The following ERN1 variants were observed in gnomAD, a reference collection of about 807,000 sequenced individuals.
ERN1 encodes the protein serine/threonine-protein kinase/endoribonuclease IRE1.
Under a neutral mutation model 113.1 loss-of-function variants are expected in ERN1, and 39 were observed. The ratio of observed to expected loss-of-function variants is 0.34; its 90% CI spans 0.27 to 0.45. The LOEUF (loss-of-function observed/expected upper bound fraction) is 0.45. ERN1 is among the 20% of genes least tolerant of loss of function. The pLI is 1.00. For missense variants in ERN1, 976 were observed against 1,274.8 expected (o/e 0.77, Z 3.57); for synonymous variants, 507 against 515.9 (o/e 0.98, Z 0.23).
chr17:64,065,112 T>C, intron 9 of ERN1, 97 bp downstream of exon 9: 2 of 754,358 alleles, frequency 2.7e-6, no homozygotes, highest in Non-Finnish European at 4.3e-6. Context: ...TGTTTTTCAT[T>C]CTTAACCTGC....
chr17:64,057,772 G>C (rs1912919212), intron 12 of ERN1, 30 bp downstream of exon 12: 1 of 1,600,638 alleles, frequency 6.2e-7, no homozygotes, highest in Non-Finnish European at 8.6e-7. Flanking sequence ...AGAAATAGGT[G>C]GATGGCAAAG....
At chr17:64,129,926 G>A in intron 1 of ERN1, 50 bp downstream of exon 1, 1 of 1,375,224 alleles carries the variant, frequency 7.3e-7, no homozygotes, top group Non-Finnish European at 9.4e-7. Context: ...CCCCGGCCCC[G>A]ACCCGGCCGT....
In ERN1 at chr17:64,130,074, C is replaced by T. The variant is rs1199501624; in HGVS notation, c.-45G>A. ...CTCCGGGGGCGGTACGGACAGAGGA[C>T]GGGGCGGGGGCGCCGCGACGACAGC... On this transcript the variant is annotated 5_prime_UTR_variant, in exon 1 of 22. Coordinates refer to ENST00000433197, the MANE Select transcript of ERN1 (RefSeq NM_001433.5). The surrounding 1 kb of genome is among the most constrained non-coding windows in gnomAD (Gnocchi z 4.0). The T allele has an allele frequency of 1.1e-5, 15 of 1,347,424 alleles. No individual in the cohort carries two copies. The highest frequency in any genetic ancestry group is 1.4e-5 in the Non-Finnish European group (15 of 1,054,330). 83.5% of individuals were successfully genotyped at this position (1,347,424 alleles called of 1,614,324 possible). A position where few individuals can be genotyped will look rare whatever the true frequency, so the allele number is the denominator to read the frequency against.
chr17:64,115,917 T>C (rs1394664522), intron 1 of ERN1, among the ~76,000 whole-genome samples: 6 of 152,204 alleles, frequency 3.9e-5, no homozygotes. Context: ...CTGCAGCTTC[T>C]TCTAGCCCCA....
intron 1 of ERN1, among the ~76,000 whole-genome samples, chr17:64,117,728 A>G (rs1383009523): frequency 6.6e-6 from 1 of 152,168 alleles, no homozygotes; most frequent in Non-Finnish European, 1.5e-5. Context: ...AAGACAGGTG[A>G]GCGAGAGCCG....
At chr17:64,075,965 G>A (rs544306705) in intron 4 of ERN1, among the ~76,000 whole-genome samples, 1 of 152,334 alleles carries the variant, frequency 6.6e-6, no homozygotes, top group East Asian at 1.9e-4. Context: ...CAACACAAGA[G>A]TTTGAGGTGG....
At chr17:64,095,939 T>A (rs989425565) in intron 2 of ERN1, among the ~76,000 whole-genome samples, 12 of 152,206 alleles carry the variant, frequency 7.9e-5, no homozygotes, top group Admixed American at 2.0e-4. Context: ...CAAATGGATG[T>A]GGGCTCACAG....
intron 1 of ERN1, among the ~76,000 whole-genome samples, chr17:64,119,376 G>GTTTTTTTTTTTTTTTTTTTTTT (rs3044073): frequency 1.3e-5 from 1 of 77,896 alleles, no homozygotes; most frequent in Non-Finnish European, 2.5e-5. Flanking sequence ...TTTTTTCTAG[G>GTTTTTTTTTTTTTTTTTTTTTT]TTTTTTTTTT....
chr17:64,098,472 C>G, intron 1 of ERN1: 1 of 712,488 alleles, frequency 1.4e-6, no homozygotes, highest in East Asian at 2.8e-5. Flanking sequence ...CCTAACATTA[C>G]AAGGACAAGA....
chr17:64,055,846 G>A lies in ERN1; in HGVS notation c.1501C>T (p.Pro501Ser). The A allele has an allele frequency of 6.4e-7, 1 of 1,554,458 alleles. No homozygotes were observed. Among genetic ancestry groups the A allele is most frequent in the East Asian group, 2.4e-5 (1 of 41,276 alleles). Reference sequence around the variant, plus strand: ...TCGCCGTCCTGAGCCGTGTCTCCAGGTGGGTGGAAGGGCAGCTGCTGCTGC... The same window carrying A: ...TCGCCGTCCTGAGCCGTGTCTCCAGATGGGTGGAAGGGCAGCTGCTGCTGC... ...QQQQQLPFHP[P>S]GDTAQDGELL... Residue 501 changes from proline (P) to serine (S), a missense_variant, in exon 13 of 22, where the codon CCT (proline) becomes TCT (serine). By Grantham distance (74) the Pro-to-Ser change is moderately conservative. Transcript: ENST00000433197.
chr17:64,080,572 ACCACTACC>A (rs1913735670), intron 3 of ERN1, 195 bp downstream of exon 3: 1 of 524,468 alleles, frequency 1.9e-6, no homozygotes, highest in African/African-American at 2.0e-5. Flanking sequence ...CCTTTTTAAA[ACCACTACC>A]CTTCTCCCTC....
At chr17:64,125,201 C>T (rs1915048686) in intron 1 of ERN1, among the ~76,000 whole-genome samples, 1 of 151,986 alleles carries the variant, frequency 6.6e-6, no homozygotes, top group Admixed American at 6.6e-5. Flanking sequence ...TAATAGAAGG[C>T]TTGTTTTTTA....
rs1712320613 is a variant in ERN1, at chr17:64,049,256, TCA to T, written c.2254-56_2254-55del. ...CTGGGAGCAGAGTTTTCATCCTCAC[TCA>T]CAGTCAGGGAGGGAGGAGCATTGCT... On this transcript the variant is annotated intron_variant, in intron 17 of 21. Coordinates refer to ENST00000433197, the MANE Select transcript of ERN1 (RefSeq NM_001433.5). The surrounding 1 kb of genome is among the most constrained non-coding windows in gnomAD (Gnocchi z 4.7). The T allele has an allele frequency of 2.0e-6, 3 of 1,507,936 alleles. No homozygotes were observed. Among genetic ancestry groups the T allele is most frequent in the Admixed American group, 1.9e-5 (1 of 52,550 alleles). The allele number at this position is 1,507,936 out of a possible 1,614,324, so 93.4% of individuals were successfully genotyped here.
intron 1 of ERN1, among the ~76,000 whole-genome samples, chr17:64,099,591 C>T (rs1001425973): frequency 6.6e-6 from 1 of 151,924 alleles, no homozygotes; most frequent in Admixed American, 6.6e-5. Flanking sequence ...GGCACAAATG[C>T]TATTTTTGAA....
At position 64,089,829 on chromosome 17, in the gene ERN1, AC is replaced by A. The variant is rs200847950; in HGVS notation, c.175+8291del. On this transcript the variant is annotated intron_variant, in intron 2 of 21. Transcript: ENST00000433197. The stretch of plus-strand genomic sequence containing the variant: ...AGATTTTAACCCTGGCTGACAGGTA[AC>A]AGTGAAACTAGAAAGGCATAGTCTG... Among the ~76,000 whole-genome samples, 715 of 152,298 alleles carry A rather than the reference AC, an allele frequency of 4.7e-3. 4 individuals carry two copies. Among genetic ancestry groups the A allele is most frequent in the African/African-American group, 0.016 (677 of 41,558 alleles).
At chr17:64,076,636 C>T (rs1020797184) in intron 4 of ERN1, among the ~76,000 whole-genome samples, 1 of 149,644 alleles carries the variant, frequency 6.7e-6, no homozygotes, top group African/African-American at 2.5e-5. Context: ...GAGTCTCACT[C>T]TCACCCAGGC....
intron 3 of ERN1, among the ~76,000 whole-genome samples, chr17:64,080,053 C>T (rs78513450): frequency 0.087 from 13,301 of 152,172 alleles, 637 homozygotes; most frequent in African/African-American, 0.1. Context: ...TGAAAAGGAC[C>T]CAGTAAGTCC....
At chr17:64,045,249 G>C in intron 20 of ERN1, 110 bp downstream of exon 20, 2 of 1,269,704 alleles carry the variant, frequency 1.6e-6, no homozygotes, top group Non-Finnish European at 1.1e-6. Context: ...AAACCTGACA[G>C]GTGGGATGTG....
At chr17:64,114,266 G>C (rs1345823541) in intron 1 of ERN1, among the ~76,000 whole-genome samples, 1 of 152,136 alleles carries the variant, frequency 6.6e-6, no homozygotes, top group African/African-American at 2.4e-5. Context: ...AGTCCAATAG[G>C]AGACCCCAGT....
Sources: gnomAD v4.1 joint callset for allele counts (sites outside exome capture counted in the v4.1 genomes callset) on GRCh38, gnomAD v4.1.1 for gene constraint, Gnocchi (gnomAD v3.1) non-coding constraint, MANE v1.5 for transcripts, NCBI Gene and HGNC (gene_info 2026-07-23, HGNC 2026-07-21) for gene names.